AGBL4: variants seen among roughly 807,000 people sequenced by gnomAD.
AGBL4 encodes AGBL carboxypeptidase 4.
AGBL4 carries 58 observed loss-of-function variants against 66.4 expected under a neutral mutation model. The ratio of observed to expected loss-of-function variants is 0.87; its 90% CI spans 0.71 to 1.09. The LOEUF (loss-of-function observed/expected upper bound fraction) is 1.09. Among genes scored for constraint, AGBL4 ranks in the 50% least tolerant of loss-of-function variants. The pLI is 0.00. For missense variants in AGBL4, 579 were observed against 631.0 expected (o/e 0.92, Z 0.88); for synonymous variants, 234 against 222.9 (o/e 1.05, Z -0.44).
chr1:49,875,080 GT>G (rs1461785955), intron 1 of AGBL4, among the ~76,000 whole-genome samples: 2 of 145,184 alleles, frequency 1.4e-5, no homozygotes, highest in Non-Finnish European at 3.0e-5. Flanking sequence ...GTGGTATTTG[GT>G]TTTTTTGTTC....
rs558490004 is a variant in AGBL4 at position 49,654,524 on chromosome 1, G to T, written c.282+42789C>A. Among the ~76,000 whole-genome samples the T allele has an allele frequency of 5.3e-5, 8 of 152,164 alleles. No individual in the cohort carries two copies. In the East Asian group the frequency reaches 1.4e-3, roughly 26 times the overall value. ...GATCTGTCTAATGTTGACAGTGGGG[G>T]TTAAACTCTCCCATTATTATTGTGT... is the stretch of plus-strand genomic sequence containing the variant. On this transcript the variant is annotated intron_variant, in intron 3 of 13. Transcript: ENST00000371839.
chr1:48,780,311 C>T (rs998362738), intron 6 of AGBL4, among the ~76,000 whole-genome samples: 3 of 151,466 alleles, frequency 2.0e-5, no homozygotes, highest in African/African-American at 7.3e-5. Context: ...ATTCCATGCT[C>T]ATGGATAGGA....
intron 3 of AGBL4, among the ~76,000 whole-genome samples, chr1:49,675,376 C>T (rs1449108156): frequency 1.3e-5 from 2 of 151,912 alleles, no homozygotes; most frequent in Admixed American, 1.3e-4. Context: ...AACAGATACA[C>T]ATGAACATAC....
At chr1:49,083,879 G>A (rs2147962915) in intron 4 of AGBL4, among the ~76,000 whole-genome samples, 1 of 152,266 alleles carries the variant, frequency 6.6e-6, no homozygotes, top group African/African-American at 2.4e-5. Context: ...CACATGCTTT[G>A]CTGCTTAGAA....
intron 1 of AGBL4, among the ~76,000 whole-genome samples, chr1:50,012,306 T>C (rs1038422750): frequency 3.3e-5 from 5 of 151,914 alleles, no homozygotes; most frequent in Admixed American, 6.6e-5. Flanking sequence ...AGGGTGACTA[T>C]AGTCAATAAT....
At chr1:49,180,090 G>A (rs1353920669) in intron 4 of AGBL4, among the ~76,000 whole-genome samples, 1 of 151,882 alleles carries the variant, frequency 6.6e-6, no homozygotes, top group Non-Finnish European at 1.5e-5. Flanking sequence ...TAGTAGAGAC[G>A]AGGTTTCTCC....
intron 3 of AGBL4, among the ~76,000 whole-genome samples, chr1:49,346,522 C>A (rs541544011): frequency 6.6e-6 from 1 of 152,148 alleles, no homozygotes; most frequent in Non-Finnish European, 1.5e-5. Flanking sequence ...ATATTGCTGT[C>A]GTACTCTTTG....
At chr1:48,601,535 A>T (rs1324206114) in intron 9 of AGBL4, among the ~76,000 whole-genome samples, 2 of 152,244 alleles carry the variant, frequency 1.3e-5, no homozygotes, top group Non-Finnish European at 2.9e-5. Context: ...CATAGAGTTA[A>T]GAGGAGCTTG....
At chr1:49,602,871 C>G (rs1253978262) in intron 3 of AGBL4, among the ~76,000 whole-genome samples, 1 of 149,330 alleles carries the variant, frequency 6.7e-6, no homozygotes, top group Non-Finnish European at 1.5e-5. Flanking sequence ...AAATAAAAAT[C>G]TAGATGAAGG....
At chr1:49,689,635 A>G (rs1253858955) in intron 3 of AGBL4, among the ~76,000 whole-genome samples, 1 of 152,152 alleles carries the variant, frequency 6.6e-6, no homozygotes, top group Non-Finnish European at 1.5e-5. Context: ...TAGAGATTAC[A>G]TTCAATCTAC....
At chr1:49,909,821 AAG>A (rs1016990989) in intron 1 of AGBL4, among the ~76,000 whole-genome samples, 5 of 152,192 alleles carry the variant, frequency 3.3e-5, no homozygotes, top group East Asian at 3.9e-4. Context: ...TTGCTAGAGA[AAG>A]AGAGGATTTA....
intron 6 of AGBL4, among the ~76,000 whole-genome samples, chr1:48,796,263 C>G (rs1240747688): frequency 1.3e-5 from 2 of 152,226 alleles, no homozygotes; most frequent in Non-Finnish European, 2.9e-5. Context: ...AACACTTCTT[C>G]TCTCCCATGA....
chr1:49,692,838 T>A (rs1646916148), intron 3 of AGBL4, among the ~76,000 whole-genome samples: 1 of 152,164 alleles, frequency 6.6e-6, no homozygotes, highest in Non-Finnish European at 1.5e-5. Flanking sequence ...CTTATAGTAA[T>A]CCAAGAAATA....
intron 10 of AGBL4, 76 bp from the exon 11 acceptor site, chr1:48,587,242 C>T: frequency 2.1e-6 from 3 of 1,426,876 alleles, no homozygotes. Flanking sequence ...TTTACAACAC[C>T]TCTGGGTCTC....
At chr1:48,548,034 C>A (rs1225979174) in intron 11 of AGBL4, among the ~76,000 whole-genome samples, 3 of 152,096 alleles carry the variant, frequency 2.0e-5, no homozygotes, top group African/African-American at 2.4e-5. Context: ...TTAGGGAGAA[C>A]TGACTATGTG....
At chr1:48,838,243 A>G (rs539817055) in intron 6 of AGBL4, among the ~76,000 whole-genome samples, 1 of 152,244 alleles carries the variant, frequency 6.6e-6, no homozygotes, top group Admixed American at 6.5e-5. Context: ...TAAGTTCCTG[A>G]GCAAAAGCAC....
chr1:48,672,031 CT>C (rs1646285451), intron 6 of AGBL4, among the ~76,000 whole-genome samples: 1 of 152,176 alleles, frequency 6.6e-6, no homozygotes, highest in Non-Finnish European at 1.5e-5. Context: ...AACAGTTTCC[CT>C]AGGAAAGGAG....
intron 4 of AGBL4, among the ~76,000 whole-genome samples, chr1:49,137,416 G>C (rs1473940084): frequency 6.6e-6 from 1 of 152,132 alleles, no homozygotes; most frequent in African/African-American, 2.4e-5. Flanking sequence ...ATCCTTACAG[G>C]GGATGACATT....
intron 2 of AGBL4, among the ~76,000 whole-genome samples, chr1:49,788,635 A>G (rs1160295197): frequency 6.6e-6 from 1 of 152,180 alleles, no homozygotes; most frequent in Non-Finnish European, 1.5e-5. Context: ...ATGGAAATTT[A>G]AAAATTCATG....
Sources: allele counts gnomAD v4.1 joint callset (sites outside exome capture counted in the v4.1 genomes callset), GRCh38; gene constraint gnomAD v4.1.1; transcripts MANE v1.5; gene names NCBI Gene and HGNC (gene_info 2026-07-23, HGNC 2026-07-21).